The following DHX36 variants were observed in gnomAD, a reference collection of about 807,000 sequenced individuals.
The protein encoded by DHX36 is DEAH-box helicase 36, also known as ATP-dependent DNA/RNA helicase DHX36.
In DHX36, 50 loss-of-function variants were observed where a neutral mutation model predicts 139.0. The ratio of observed to expected loss-of-function variants is 0.36; its 90% CI spans 0.29 to 0.46. DHX36 has a LOEUF of 0.46. Ranked by LOEUF, DHX36 falls within the 20% of genes least tolerant of loss-of-function variation. The pLI is 1.00. For synonymous variants in DHX36, 425 were observed against 401.9 expected (o/e 1.06, Z -0.69); for missense variants, 1,024 against 1,211.3 (o/e 0.85, Z 2.29).
At position 154,276,276 on chromosome 3, in the gene DHX36, G is replaced by C. The variant is rs751497588; in HGVS notation, c.2922C>G (p.Ser974=). 1 of 1,613,696 alleles carries C rather than the reference G, an allele frequency of 6.2e-7. No homozygotes were observed. The highest frequency in any genetic ancestry group is 8.5e-7 in the Non-Finnish European group (1 of 1,179,902). Residue 974 remains serine (S), a synonymous_variant, in exon 25 of 25, where the codon TCC becomes TCG. Transcript: ENST00000496811. The part of the protein sequence containing the change: ...PHPVDWNDTK[S]RDCAVLSAII... ...TAGCTGACAGTACTGCACAGTCTCTGGATTTAGTGTCATTCCAGTCTACAG... is the reference window on the plus strand; with the variant it reads ...TAGCTGACAGTACTGCACAGTCTCTCGATTTAGTGTCATTCCAGTCTACAG...
Position 154,295,308 on chromosome 3 carries a change from C to A in DHX36, c.1581G>T (p.Leu527=). 1 of 1,544,658 alleles carries A rather than the reference C, an allele frequency of 6.5e-7. No individual in the cohort carries two copies. The highest frequency in any genetic ancestry group is 8.8e-7 in the Non-Finnish European group (1 of 1,137,514). ...DKFLIIPLHS[L]MPTVNQTQVF... Reference sequence around the variant, plus strand: ...CCTGTGTCTGGTTAACTGTAGGCATCAGTGAATGTAAAGGTATAATTAAAA... The same window carrying A: ...CCTGTGTCTGGTTAACTGTAGGCATAAGTGAATGTAAAGGTATAATTAAAA... The change falls in exon 13 of 25, where the codon CTG becomes CTT. Residue 527 remains leucine, a synonymous_variant. Coordinates refer to ENST00000496811, the MANE Select transcript of DHX36 (RefSeq NM_020865.3).
At chr3:154,296,973 T>C (rs918525422) in intron 12 of DHX36, among the ~76,000 whole-genome samples, 12 of 152,246 alleles carry the variant, frequency 7.9e-5, no homozygotes, top group African/African-American at 2.4e-4. Flanking sequence ...CTTTCAGATA[T>C]AACTTTCGAG....
At position 154,315,157 on chromosome 3, in the gene DHX36, G is replaced by T; in HGVS notation, c.492C>A (p.Asp164Glu). 6.2e-7 allele frequency: 1 copy of T among 1,613,078 alleles called. No homozygotes were observed. The highest frequency in any genetic ancestry group is 1.1e-5 in the South Asian group (1 of 91,008). ...CTTGCAAGAGATACTCAGAATCTCG[G>T]TCAATATATGATCTGTTCCTGATTC... ...MFRIRNRSYI[D>E]RDSEYLLQEN... The change falls in exon 3 of 25, where the codon GAC becomes GAA. Residue 164 changes from aspartate to glutamate, a missense_variant. By Grantham distance (45) the Asp-to-Glu change is conservative (BLOSUM62 2). Transcript: ENST00000496811.
At chr3:154,315,965 A>G in intron 2 of DHX36, 74 bp downstream of exon 2, 2 of 1,483,326 alleles carry the variant, frequency 1.3e-6, no homozygotes, top group Non-Finnish European at 1.8e-6. Flanking sequence ...CTTATCGAAG[A>G]AAATAAAGAT....
At chr3:154,311,734 G>A in intron 3 of DHX36, 60 bp from the exon 4 acceptor site, 2 of 1,378,304 alleles carry the variant, frequency 1.5e-6, no homozygotes, top group Middle Eastern at 1.8e-4. Context: ...TTATAATCAT[G>A]GTATTTAGGA....
Position 154,323,682 on chromosome 3 carries a change from C to A in DHX36, c.243+492G>T, listed in dbSNP as rs1713284159. Among the ~76,000 whole-genome samples the A allele has an allele frequency of 6.6e-5, 10 of 152,296 alleles. 1 individual carries two copies. The South Asian group carries it at 2.1e-3, about 32-fold the overall frequency. On this transcript the variant is annotated intron_variant, in intron 1 of 24. Transcript: ENST00000496811. ...AACCTAGGTTTGCAGATAATTTTAA[C>A]ACTAATAATAAAAGCTGGACTATTT...
At chr3:154,303,056 G>A (rs749169942) in intron 9 of DHX36, among the ~76,000 whole-genome samples, 3 of 152,014 alleles carry the variant, frequency 2.0e-5, no homozygotes, top group Non-Finnish European at 1.5e-5. Context: ...TAGGCTAGGC[G>A]ACAGAGAGAG....
chr3:154,290,409 G>T (rs957337767), intron 15 of DHX36, among the ~76,000 whole-genome samples: 1 of 151,932 alleles, frequency 6.6e-6, no homozygotes, highest in Non-Finnish European at 1.5e-5. Context: ...GCCGAGGTGG[G>T]TGTATCACCT....
At chr3:154,300,924 C>T in intron 10 of DHX36, 63 bp downstream of exon 10, 2 of 1,591,516 alleles carry the variant, frequency 1.3e-6, no homozygotes, top group South Asian at 1.2e-5. Context: ...AAGATGCCCC[C>T]AGCCTCTGGC....
intron 13 of DHX36, among the ~76,000 whole-genome samples, chr3:154,294,381 G>A (rs1004358202): frequency 3.3e-5 from 5 of 152,112 alleles, no homozygotes; most frequent in African/African-American, 1.2e-4. Flanking sequence ...TACCACTGGC[G>A]ATAATGCAAA....
intron 5 of DHX36, among the ~76,000 whole-genome samples, chr3:154,307,970 G>A (rs527977900): frequency 7.2e-5 from 11 of 152,076 alleles, no homozygotes; most frequent in Non-Finnish European, 1.3e-4. Context: ...TGTCGAAATA[G>A]ACACAAAAAG....
chr3:154,292,952 C>A lies in DHX36; in HGVS notation c.1671-258G>T, dbSNP rs146464603. Among the ~76,000 whole-genome samples, 24 of 152,080 alleles carry A rather than the reference C, an allele frequency of 1.6e-4. No homozygotes were observed. In the East Asian group the frequency reaches 4.5e-3, roughly 28 times the overall value. ...TGTAAGTGACAGCACAGTATTAGTT[C>A]TTCAGATCATATACTAAATTCTTAC... is the stretch of plus-strand genomic sequence containing the variant. On this transcript the variant is annotated intron_variant, in intron 14 of 24. Coordinates refer to ENST00000496811, the MANE Select transcript of DHX36 (RefSeq NM_020865.3).
Position 154,275,631 on chromosome 3 carries a change from A to G in DHX36, c.*540T>C, listed in dbSNP as rs1719124175. On this transcript the variant is annotated 3_prime_UTR_variant, in exon 25 of 25. Transcript: ENST00000496811. ...GTAAAAATATCAAATGAACCAAGCC[A>G]TAGGTGAAAATGTAGAAACCAATCC... 1.3e-5 allele frequency: 2 copies of G among 152,666 alleles called. No individual in the cohort carries two copies. Among genetic ancestry groups the G allele is most frequent in the African/African-American group, 4.8e-5 (2 of 41,450 alleles). The allele number at this position is 152,666 out of a possible 1,614,324, so 9.5% of individuals were successfully genotyped here. A position where few individuals can be genotyped will look rare whatever the true frequency, so the allele number is the denominator to read the frequency against.
At chr3:154,312,852 A>AATATATATAT (rs67771264) in intron 3 of DHX36, among the ~76,000 whole-genome samples, 47 of 39,746 alleles carry the variant, frequency 1.2e-3, no homozygotes, top group African/African-American at 1.4e-3. Flanking sequence ...AAATAATTAA[A>AATATATATAT]ATATATATAT....
At chr3:154,280,921 C>A (rs1576855539) in intron 20 of DHX36, 59 bp from the exon 21 acceptor site, 3 of 1,240,854 alleles carry the variant, frequency 2.4e-6, no homozygotes, top group African/African-American at 1.5e-5. Flanking sequence ...AGGCTATAAA[C>A]CATACACTAA....
At chr3:154,286,678 C>T (rs1270298343) in intron 17 of DHX36, among the ~76,000 whole-genome samples, 1 of 151,960 alleles carries the variant, frequency 6.6e-6, no homozygotes, top group Admixed American at 6.6e-5. Flanking sequence ...AGACTCAATA[C>T]TGTAAAGATG....
At chr3:154,280,417 C>G in intron 22 of DHX36, 162 bp downstream of exon 22, 2 of 576,352 alleles carry the variant, frequency 3.5e-6, no homozygotes, top group Non-Finnish European at 6.0e-6. Flanking sequence ...AAAGTGATAC[C>G]AATGGCTAAA....
chr3:154,319,844 G>A (rs1359122645), intron 1 of DHX36, among the ~76,000 whole-genome samples: 1 of 152,166 alleles, frequency 6.6e-6, no homozygotes, highest in Non-Finnish European at 1.5e-5. Context: ...CTCAGGGCAT[G>A]AACATGGTCA....
intron 15 of DHX36, among the ~76,000 whole-genome samples, chr3:154,291,921 T>C (rs1249030547): frequency 6.6e-6 from 1 of 152,246 alleles, no homozygotes; most frequent in African/African-American, 2.4e-5. Flanking sequence ...AAGACAGAGA[T>C]AGTTTTACTT....
Sources: allele counts gnomAD v4.1 joint callset (sites outside exome capture counted in the v4.1 genomes callset), GRCh38; gene constraint gnomAD v4.1.1; transcripts MANE v1.5; gene names NCBI Gene and HGNC (gene_info 2026-07-23, HGNC 2026-07-21).